BACE2: variants seen among roughly 807,000 people sequenced by gnomAD.
The protein encoded by BACE2 is 56 kDa aspartic-like protease.
Under a neutral mutation model 46.2 loss-of-function variants are expected in BACE2, and 17 were observed. That is an observed-to-expected ratio of 0.37 (90% CI 0.25 to 0.55). The LOEUF is 0.55. Ranked by LOEUF, BACE2 falls within the 20% of genes least tolerant of loss-of-function variation. BACE2 has a pLI of 0.82. For synonymous variants in BACE2, 277 were observed against 295.9 expected (o/e 0.94, Z 0.66); for missense variants, 595 against 698.1 (o/e 0.85, Z 1.66).
At chr21:41,264,238 C>A (rs1315229497) in intron 8 of BACE2, among the ~76,000 whole-genome samples, 1 of 146,288 alleles carries the variant, frequency 6.8e-6, no homozygotes, top group African/African-American at 2.5e-5. Context: ...TTGAGTTTTT[C>A]ATTTCGATGA....
chr21:41,168,415 C>T lies in BACE2; in HGVS notation c.152C>T (p.Thr51Ile). Residue 51 changes from threonine (T) to isoleucine (I), a missense_variant, in exon 1 of 9, where the codon ACC becomes ATC. Coordinates refer to ENST00000330333, the MANE Select transcript of BACE2 (RefSeq NM_012105.5). ...GTTGCGCCCACCCCGGGACCCGGGA[C>T]CCCTGCCGAGCGCCACGCCGACGGC... ...RVVAPTPGPG[T>I]PAERHADGLA... The T allele has an allele frequency of 7.1e-7, 1 of 1,409,640 alleles. No homozygotes were observed. The allele number at this position is 1,409,640 out of a possible 1,614,324, so 87.3% of individuals were successfully genotyped here. A position where few individuals can be genotyped will look rare whatever the true frequency, so the allele number is the denominator to read the frequency against.
intron 1 of BACE2, among the ~76,000 whole-genome samples, chr21:41,226,050 G>A (rs770945829): frequency 1.3e-5 from 2 of 152,172 alleles, no homozygotes; most frequent in Non-Finnish European, 2.9e-5. Context: ...TCTGAGACAG[G>A]ACCATTTCCC....
At chr21:41,257,036 C>A in intron 7 of BACE2, 122 bp from the exon 8 acceptor site, 1 of 1,027,330 alleles carries the variant, frequency 9.7e-7, no homozygotes, top group Non-Finnish European at 1.4e-6. Flanking sequence ...CATCTTTCTT[C>A]TCCCGTGACT....
At chr21:41,248,475 G>A (rs1171038104) in intron 6 of BACE2, among the ~76,000 whole-genome samples, 4 of 152,126 alleles carry the variant, frequency 2.6e-5, no homozygotes, top group South Asian at 2.1e-4. Flanking sequence ...CCCGTGTCCC[G>A]CTGCAGACCT....
rs1229450000 is a variant in BACE2 at position 41,277,934 on chromosome 21, T to C, written c.*2310T>C. On this transcript the variant is annotated 3_prime_UTR_variant, in exon 9 of 9. Transcript: ENST00000330333. The stretch of plus-strand genomic sequence containing the variant: ...GCATAACTTCGCAACAAGAATGAGA[T>C]AGACAATTGAATGTGGGACATTTTT... The C allele has an allele frequency of 6.6e-6, 1 of 152,254 alleles. No individual in the cohort carries two copies. Among genetic ancestry groups the C allele is most frequent in the Non-Finnish European group, 1.5e-5 (1 of 68,040 alleles). The allele number at this position is 152,254 out of a possible 1,614,324, so 9.4% of individuals were successfully genotyped here. A position where few individuals can be genotyped will look rare whatever the true frequency, so the allele number is the denominator to read the frequency against.
chr21:41,221,103 C>G (rs899524981), intron 1 of BACE2, among the ~76,000 whole-genome samples: 3 of 151,074 alleles, frequency 2.0e-5, no homozygotes, highest in Non-Finnish European at 4.4e-5. Flanking sequence ...TCACTTCAAA[C>G]CTTCATCCCC....
chr21:41,223,319 G>A (rs530476069), intron 1 of BACE2, among the ~76,000 whole-genome samples: 1 of 151,248 alleles, frequency 6.6e-6, no homozygotes, highest in South Asian at 2.1e-4. Flanking sequence ...TTGTGCTGCT[G>A]TACTCCAGCC....
intron 1 of BACE2, chr21:41,179,266 G>T: frequency 7.7e-7 from 1 of 1,298,030 alleles, no homozygotes; most frequent in Non-Finnish European, 1.0e-6. Flanking sequence ...GGAGTCCAGG[G>T]TGAGGAGTGA....
At chr21:41,213,057 A>C (rs1254859336) in intron 1 of BACE2, among the ~76,000 whole-genome samples, 1 of 152,212 alleles carries the variant, frequency 6.6e-6, no homozygotes, top group Non-Finnish European at 1.5e-5. Context: ...CTCTGCTCCC[A>C]GGTGGGGGCT....
At chr21:41,254,696 A>G (rs1162767099) in intron 7 of BACE2, among the ~76,000 whole-genome samples, 2 of 152,186 alleles carry the variant, frequency 1.3e-5, no homozygotes, top group Non-Finnish European at 2.9e-5. Flanking sequence ...ATTTCCCCAC[A>G]TACTCTTGGC....
In BACE2 at chr21:41,236,406, G is replaced by A. The variant is rs1017920282; in HGVS notation, c.402-1107G>A. Reference sequence around the variant, plus strand: ...CTCTCGTCCCGTAACCACCATTCCCGCATTCATTATCTCTCCTCACTGCAG... The same window carrying A: ...CTCTCGTCCCGTAACCACCATTCCCACATTCATTATCTCTCCTCACTGCAG... On this transcript the variant is annotated intron_variant, in intron 2 of 8. Coordinates refer to ENST00000330333, the MANE Select transcript of BACE2 (RefSeq NM_012105.5). Among the ~76,000 whole-genome samples the A allele has an allele frequency of 6.6e-5, 10 of 152,096 alleles. 1 individual carries two copies. In the East Asian group the frequency reaches 1.3e-3, roughly 21 times the overall value.
intron 8 of BACE2, among the ~76,000 whole-genome samples, chr21:41,265,495 T>C (rs1988045666): frequency 6.6e-6 from 1 of 152,172 alleles, no homozygotes; most frequent in Non-Finnish European, 1.5e-5. Context: ...GAAATTTTGG[T>C]CATCTGACAG....
intron 1 of BACE2, among the ~76,000 whole-genome samples, chr21:41,173,166 A>G (rs1215612831): frequency 4.6e-5 from 7 of 152,248 alleles, no homozygotes; most frequent in African/African-American, 7.2e-5. Flanking sequence ...TTTGGGGAAC[A>G]TGATTTAATC....
intron 6 of BACE2, 143 bp from the exon 7 acceptor site, chr21:41,250,609 G>A (rs1987609065): frequency 1.4e-6 from 1 of 704,694 alleles, no homozygotes; most frequent in Non-Finnish European, 2.4e-6. Context: ...TCTTCCAGGG[G>A]ACTAATGTCC....
At chr21:41,235,295 A>G (rs1987084373) in intron 2 of BACE2, among the ~76,000 whole-genome samples, 1 of 152,140 alleles carries the variant, frequency 6.6e-6, no homozygotes, top group Non-Finnish European at 1.5e-5. Flanking sequence ...AAAAAGAAAC[A>G]TTTTTCCCTT....
At chr21:41,214,215 G>A (rs373586394) in intron 1 of BACE2, among the ~76,000 whole-genome samples, 4 of 152,198 alleles carry the variant, frequency 2.6e-5, no homozygotes, top group African/African-American at 9.7e-5. Flanking sequence ...CATGAATGGT[G>A]GAGGGAGATT....
rs180759114 is a variant in BACE2, at chr21:41,257,307, C to T, written c.1284C>T (p.Phe428=). Reference sequence around the variant, plus strand: ...ACAGAGCCCAGAAGAGGGTGGGCTTCGCAGCGAGCCCCTGTGCAGGTGAGC... The same window carrying T: ...ACAGAGCCCAGAAGAGGGTGGGCTTTGCAGCGAGCCCCTGTGCAGGTGAGC... ...IFDRAQKRVG[F]AASPCAEIAG... Residue 428 remains phenylalanine (F), a synonymous_variant, in exon 8 of 9, where the codon TTC becomes TTT. Coordinates refer to ENST00000330333, the MANE Select transcript of BACE2 (RefSeq NM_012105.5). The T allele has an allele frequency of 2.2e-5, 35 of 1,613,852 alleles. No individual in the cohort carries two copies. The East Asian group carries it at 5.3e-4, about 25-fold the overall frequency.
chr21:41,237,620 A>C lies in BACE2; in HGVS notation c.509A>C (p.Asn170Thr). The C allele has an allele frequency of 1.2e-6, 2 of 1,614,212 alleles. No individual in the cohort carries two copies. Among genetic ancestry groups the C allele is most frequent in the Non-Finnish European group, 8.5e-7 (1 of 1,180,024 alleles). Residue 170 changes from asparagine to threonine, a missense_variant, in exon 3 of 9, where the codon AAT becomes ACT. Coordinates refer to ENST00000330333, the MANE Select transcript of BACE2 (RefSeq NM_012105.5). ...CTCGTCACCATCCCCAAAGGCTTCAATACTTCTTTTCTTGTCAACATTGCC... is the reference window on the plus strand; with the variant it reads ...CTCGTCACCATCCCCAAAGGCTTCACTACTTCTTTTCTTGTCAACATTGCC... ...EDLVTIPKGF[N>T]TSFLVNIATI...
At chr21:41,231,645 T>A (rs1986969161) in intron 2 of BACE2, among the ~76,000 whole-genome samples, 1 of 152,222 alleles carries the variant, frequency 6.6e-6, no homozygotes, top group Non-Finnish European at 1.5e-5. Flanking sequence ...AGCACTCTTA[T>A]CAGAGGCAGA....
Sources: gnomAD v4.1 joint callset for allele counts (sites outside exome capture counted in the v4.1 genomes callset) on GRCh38, gnomAD v4.1.1 for gene constraint, MANE v1.5 for transcripts, NCBI Gene and HGNC (gene_info 2026-07-23, HGNC 2026-07-21) for gene names.